C1QTNF3: variants seen among roughly 807,000 people sequenced by gnomAD.
C1QTNF3 encodes the protein complement C1q tumor necrosis factor-related protein 3.
A neutral mutation model predicts 32.6 loss-of-function variants in C1QTNF3; 26 were observed. The ratio of observed to expected loss-of-function variants is 0.80; its 90% confidence interval spans 0.58 to 1.11. C1QTNF3 has a LOEUF of 1.11. C1QTNF3 is among the 50% of genes least tolerant of loss of function. The probability of loss-of-function intolerance (pLI) is 0.00; values close to 1 mark genes in which losing one functional copy is unlikely to be tolerated. For missense variants in C1QTNF3, 362 were observed against 398.2 expected (o/e 0.91, Z 0.77); for synonymous variants, 155 against 146.0 (o/e 1.06, Z -0.44).
At chr5:34,154,761 C>G in the C1QTNF3 span, among the ~76,000 whole-genome samples, 1 of 152,112 alleles carries the variant, frequency 6.6e-6, no homozygotes, top group East Asian at 1.9e-4. Flanking sequence ...TAGAGATACA[C>G]TTAAAGAAAG....
the C1QTNF3 span, among the ~76,000 whole-genome samples, chr5:34,077,212 T>C: frequency 6.6e-6 from 1 of 151,776 alleles, no homozygotes; most frequent in Admixed American, 6.6e-5. Context: ...AATGATTAAT[T>C]TAAAATCAGA....
At chr5:34,163,009 T>C in the C1QTNF3 span, among the ~76,000 whole-genome samples, 1 of 152,154 alleles carries the variant, frequency 6.6e-6, no homozygotes, top group Non-Finnish European at 1.5e-5. Flanking sequence ...TTACACATAA[T>C]CAATGTACAG....
the C1QTNF3 span, among the ~76,000 whole-genome samples, chr5:34,128,498 T>A: frequency 6.6e-6 from 1 of 152,166 alleles, no homozygotes; most frequent in African/African-American, 2.4e-5. Flanking sequence ...CTGTCGGCAC[T>A]CAATGCCAAG....
chr5:34,156,790 A>T, the C1QTNF3 span, among the ~76,000 whole-genome samples: 1 of 152,220 alleles, frequency 6.6e-6, no homozygotes, highest in Non-Finnish European at 1.5e-5. Context: ...GATGAGAAAA[A>T]ATATGGAATA....
chr5:34,054,093 GCA>G, the C1QTNF3 span, among the ~76,000 whole-genome samples: 1 of 152,160 alleles, frequency 6.6e-6, no homozygotes, highest in Non-Finnish European at 1.5e-5. Flanking sequence ...TTTTGCTTCT[GCA>G]CACTGCCCAG....
At chr5:34,181,318 G>C in the C1QTNF3 span, among the ~76,000 whole-genome samples, 2 of 152,380 alleles carry the variant, frequency 1.3e-5, no homozygotes, top group African/African-American at 4.8e-5. Flanking sequence ...TCCTGCCCCG[G>C]AAACAGGCAT....
chr5:34,083,104 ACAT>A, the C1QTNF3 span, among the ~76,000 whole-genome samples: 1 of 151,218 alleles, frequency 6.6e-6, no homozygotes, highest in Non-Finnish European at 1.5e-5. Flanking sequence ...CCTAATATAC[ACAT>A]TTTTTAAATG....
At chr5:34,054,743 T>G in the C1QTNF3 span, among the ~76,000 whole-genome samples, 1 of 127,478 alleles carries the variant, frequency 7.8e-6, no homozygotes, top group African/African-American at 2.5e-5. Context: ...CTAAACCAAC[T>G]GTAGGAATCT....
At chr5:34,176,005 T>C in the C1QTNF3 span, 329 of 712,448 alleles carry the variant, frequency 4.6e-4, 2 homozygotes, top group Non-Finnish European at 3.1e-4. Context: ...GAATTGTAAA[T>C]GTTAGATAAA....
At chr5:34,225,441 A>G in the C1QTNF3 span, among the ~76,000 whole-genome samples, 1 of 152,058 alleles carries the variant, frequency 6.6e-6, no homozygotes, top group African/African-American at 2.4e-5. Flanking sequence ...ACAATACTTC[A>G]AGACAACTTT....
At chr5:34,232,866 C>T in the C1QTNF3 span, among the ~76,000 whole-genome samples, 6 of 151,396 alleles carry the variant, frequency 4.0e-5, no homozygotes, top group East Asian at 1.9e-4. Flanking sequence ...TTTTAATAAT[C>T]GGACTGCTTA....
chr5:34,150,271 C>A, the C1QTNF3 span, among the ~76,000 whole-genome samples: 1 of 84,830 alleles, frequency 1.2e-5, no homozygotes, highest in Non-Finnish European at 2.2e-5. Flanking sequence ...GACTTTAACA[C>A]CCCACTGTCA....
chr5:34,211,903 C>T, the C1QTNF3 span, among the ~76,000 whole-genome samples: 2 of 152,116 alleles, frequency 1.3e-5, no homozygotes, highest in Non-Finnish European at 2.9e-5. Context: ...GAAATAACTA[C>T]TTTAAAGTTC....
the C1QTNF3 span, among the ~76,000 whole-genome samples, chr5:34,091,015 A>T: frequency 2.0e-5 from 3 of 152,232 alleles, no homozygotes; most frequent in Non-Finnish European, 4.4e-5. Flanking sequence ...AGAATACCAG[A>T]TCCTTGGTAT....
chr5:34,195,510 A>G, the C1QTNF3 span, among the ~76,000 whole-genome samples: 3 of 151,882 alleles, frequency 2.0e-5, no homozygotes, highest in African/African-American at 7.3e-5. Flanking sequence ...TCAGCCTATT[A>G]CCATCTGCTA....
At chr5:34,063,338 C>G in the C1QTNF3 span, among the ~76,000 whole-genome samples, 1 of 151,720 alleles carries the variant, frequency 6.6e-6, no homozygotes, top group Admixed American at 6.6e-5. Flanking sequence ...CTCTCTGTCT[C>G]TCTTTCTCTC....
Position 34,033,322 on chromosome 5 carries a change from C to A in C1QTNF3, c.552G>T (p.Gly184=). The A allele has an allele frequency of 2.5e-6, 4 of 1,613,560 alleles. No individual in the cohort carries two copies. The highest frequency in any genetic ancestry group is 3.4e-6 in the Non-Finnish European group (4 of 1,179,794). The part of the protein sequence containing the change: ...HGPKGEKGYP[G]IPPELQIAFM... ...GGTTTACCTGAAGTTCTGGTGGAATCCCCGGGTAGCCCTTCTCTCCTTTGG... is the reference window on the plus strand; with the variant it reads ...GGTTTACCTGAAGTTCTGGTGGAATACCCGGGTAGCCCTTCTCTCCTTTGG... The change falls in exon 3 of 6, where the codon GGG becomes GGT. Residue 184 remains glycine (G), a synonymous_variant. Coordinates refer to ENST00000382065, the MANE Select transcript of C1QTNF3 (RefSeq NM_181435.6).
the C1QTNF3 span, chr5:34,169,276 T>G: frequency 6.6e-6 from 1 of 152,124 alleles, no homozygotes; most frequent in South Asian, 2.1e-4. Flanking sequence ...ATAACAAAAT[T>G]CAGCATTTTA....
chr5:34,169,130 A>C, the C1QTNF3 span: 1 of 152,202 alleles, frequency 6.6e-6, no homozygotes, highest in African/African-American at 2.4e-5. Context: ...AGGTGACTTC[A>C]TCTTGGATTT....
Sources: gnomAD v4.1 joint callset for allele counts (sites outside exome capture counted in the v4.1 genomes callset) on GRCh38, gnomAD v4.1.1 for gene constraint, MANE v1.5 for transcripts, NCBI Gene and HGNC (gene_info 2026-07-23, HGNC 2026-07-21) for gene names.